MYBPC3: variants seen among roughly 807,000 people sequenced by gnomAD.
MYBPC3 encodes the protein myosin-binding protein C, cardiac-type.
A neutral mutation model predicts 159.3 loss-of-function variants in MYBPC3; 108 were observed. The ratio of observed to expected loss-of-function variants is 0.68; its 90% CI spans 0.58 to 0.80. The LOEUF is 0.80. MYBPC3 is among the 30% of genes least tolerant of loss of function. MYBPC3 has a pLI of 0.00. For missense variants in MYBPC3, 1,631 were observed against 1,762.1 expected (o/e 0.93, Z 1.33); for synonymous variants, 730 against 702.0 (o/e 1.04, Z -0.63).
At position 47,346,612 on chromosome 11, in the gene MYBPC3, A is replaced by G; in HGVS notation, c.926+15T>C. ...TTAGGGGTGATGAGGGTGCTGTGCT[A>G]TGTTGGGCACTCACCTCGGGGTCCG... On this transcript the variant is annotated intron_variant, in intron 11 of 34. Transcript: ENST00000545968. The surrounding 1 kb of genome is among the most constrained non-coding windows in gnomAD (Gnocchi z 5.3). The G allele has an allele frequency of 8.9e-7, 1 of 1,117,822 alleles. No individual in the cohort carries two copies. The highest frequency in any genetic ancestry group is 1.2e-6 in the Non-Finnish European group (1 of 810,770). The allele number at this position is 1,117,822 out of a possible 1,614,324, so 69.2% of individuals were successfully genotyped here.
At chr11:47,339,285 A>G in intron 22 of MYBPC3, 39 bp downstream of exon 22, 1 of 1,605,810 alleles carries the variant, frequency 6.2e-7, no homozygotes, top group Non-Finnish European at 8.5e-7. Flanking sequence ...AAAGTGATGA[A>G]AGACAAACGA....
chr11:47,333,830 A>T, intron 28 of MYBPC3, 78 bp from the exon 29 acceptor site: 1 of 1,546,430 alleles, frequency 6.5e-7, no homozygotes. Flanking sequence ...GGTACCTCAG[A>T]TCAGGCCAGC....
At chr11:47,336,800 G>C (rs1478569000) in intron 25 of MYBPC3, among the ~76,000 whole-genome samples, 1 of 152,192 alleles carries the variant, frequency 6.6e-6, no homozygotes, top group Non-Finnish European at 1.5e-5. Context: ...TGCCCACTCA[G>C]ACCCCATTAT....
Position 47,338,825 on chromosome 11 carries a change from C to T in MYBPC3, c.2149-146G>A. 2.7e-6 allele frequency: 3 copies of T among 1,109,772 alleles called. No homozygotes were observed. The highest frequency in any genetic ancestry group is 3.7e-6 in the Non-Finnish European group (3 of 802,324). 68.7% of individuals were successfully genotyped at this position (1,109,772 alleles called of 1,614,324 possible). A position where few individuals can be genotyped will look rare whatever the true frequency, so the allele number is the denominator to read the frequency against. On this transcript the variant is annotated intron_variant, in intron 22 of 34. Transcript: ENST00000545968. The surrounding 1 kb of genome is among the most constrained non-coding windows in gnomAD (Gnocchi z 4.7). ...TCCACGTCAGCATCTAGTTCAAAATCATCTCTGTGGCACCGACTGAGGGCA... is the reference window on the plus strand; with the variant it reads ...TCCACGTCAGCATCTAGTTCAAAATTATCTCTGTGGCACCGACTGAGGGCA...
At chr11:47,343,802 T>C (rs996947938) in intron 12 of MYBPC3, among the ~76,000 whole-genome samples, 178 bp from the exon 13 acceptor site, 1 of 152,138 alleles carries the variant, frequency 6.6e-6, no homozygotes, top group Non-Finnish European at 1.5e-5. Context: ...TGTTTGTTTG[T>C]TTTTTGGACA....
intron 27 of MYBPC3, 62 bp downstream of exon 27, chr11:47,334,980 C>A: frequency 4.9e-6 from 7 of 1,422,076 alleles, no homozygotes; most frequent in Non-Finnish European, 5.6e-6. Flanking sequence ...CCCACCTCCA[C>A]TGGACACCAA....
rs765629179 is a variant in MYBPC3 at position 47,338,551 on chromosome 11, C to T, written c.2277G>A (p.Glu759=). 5.6e-6 allele frequency: 9 copies of T among 1,614,020 alleles called. No homozygotes were observed. In the South Asian group the frequency reaches 8.8e-5, roughly 16 times the overall value. The part of the protein sequence containing the change: ...YTVTVKNPVG[E]DQVNLTVKVI... ...CCTTGACTGTGAGGTTGACCTGGTCCTCGCCCACAGGGTTCTTCACTGTGA... is the reference window on the plus strand; with the variant it reads ...CCTTGACTGTGAGGTTGACCTGGTCTTCGCCCACAGGGTTCTTCACTGTGA... Residue 759 remains glutamate, a synonymous_variant, in exon 23 of 35, where the codon GAG becomes GAA. Transcript: ENST00000545968. The surrounding 1 kb of genome is among the most constrained non-coding windows in gnomAD (Gnocchi z 4.7).
Position 47,333,230 on chromosome 11 carries a change from C to G in MYBPC3, c.3294G>C (p.Trp1098Cys), listed in dbSNP as rs767039057. 6.3e-7 allele frequency: 1 copy of G among 1,595,814 alleles called. No homozygotes were observed. The highest frequency in any genetic ancestry group is 1.7e-4 in the Middle Eastern group (1 of 6,034). ...PPQDVGNTEL[W>C]GYTVQKADKK... The stretch of plus-strand genomic sequence containing the variant: ...TGTCGGCTTTCTGCACTGTGTACCC[C>G]CAGAGCTCCGTGTTGCCGACATCCT... The change falls in exon 30 of 35, where the codon TGG (tryptophan) becomes TGC (cysteine). Residue 1098 changes from tryptophan to cysteine, a missense_variant. By Grantham distance (215) the Trp-to-Cys change is radical (BLOSUM62 -2). Transcript: ENST00000545968.
In MYBPC3 at chr11:47,347,594, C is replaced by G. The variant is rs559304406; in HGVS notation, c.851+57G>C. The G allele has an allele frequency of 6.4e-6, 10 of 1,560,538 alleles. No homozygotes were observed. The African/African-American group carries it at 9.5e-5, about 15-fold the overall frequency. On this transcript the variant is annotated intron_variant, in intron 8 of 34. Transcript: ENST00000545968. ...ACACTAGCCAGATTGGGCTCCCACC[C>G]GTCTCAGACCCCTGGGGGTCTGCGG...
rs767605155 is a variant in MYBPC3 at position 47,333,675 on chromosome 11, G to A, written c.3072C>T (p.Ser1024=). 3 of 1,611,344 alleles carry A rather than the reference G, an allele frequency of 1.9e-6. No individual in the cohort carries two copies. Among genetic ancestry groups the A allele is most frequent in the Admixed American group, 1.7e-5 (1 of 60,010 alleles). ...LAGEEVSIRN[S]PTDTILFIRA... is the part of the protein sequence containing the mutation. ...GGATGAACAGGATGGTGTCTGTGGG[G>A]CTGTTGCGGATGCTCACCTCCTCGC... Residue 1024 remains serine, a synonymous_variant, in exon 29 of 35, where the codon AGC becomes AGT. Transcript: ENST00000545968.
At position 47,342,748 on chromosome 11, in the gene MYBPC3, G is replaced by A. The variant is rs779521086; in HGVS notation, c.1458-4C>T. 2 of 1,613,864 alleles carry A rather than the reference G, an allele frequency of 1.2e-6. No individual in the cohort carries two copies. The highest frequency in any genetic ancestry group is 2.2e-5 in the South Asian group (2 of 91,078). On this transcript the variant is annotated splice_polypyrimidine_tract_variant and splice_region_variant and intron_variant, in intron 16 of 34. Transcript: ENST00000545968. ...CAGCTCCACCCCGTCCTTCAGCCTA[G>A]CCGGGTGGGTGGGTGGCAAGTGCTG...
Position 47,332,924 on chromosome 11 carries a change from G to A in MYBPC3, c.3380C>T (p.Pro1127Leu). ...EHYRRTHCVV[P>L]ELIIGNGYYF... ...GTAGCCATTGCCAATGATGAGCTCTGGCACCACGCAGTGGGTGCGGCGGTA... is the reference window on the plus strand; with the variant it reads ...GTAGCCATTGCCAATGATGAGCTCTAGCACCACGCAGTGGGTGCGGCGGTA... The change falls in exon 31 of 35, where the codon CCA becomes CTA. Residue 1127 changes from proline (P) to leucine (L), a missense_variant. Transcript: ENST00000545968. The surrounding 1 kb of genome is among the most constrained non-coding windows in gnomAD (Gnocchi z 4.2). 1 of 1,610,470 alleles carries A rather than the reference G, an allele frequency of 6.2e-7. No individual in the cohort carries two copies. Among genetic ancestry groups the A allele is most frequent in the African/African-American group, 1.3e-5 (1 of 74,962 alleles).
Position 47,342,565 on chromosome 11 carries a change from C to CA in MYBPC3, c.1624+12dup. 1 of 1,566,928 alleles carries CA rather than the reference C, an allele frequency of 6.4e-7. No individual in the cohort carries two copies. Among genetic ancestry groups the CA allele is most frequent in the Non-Finnish European group, 8.7e-7 (1 of 1,155,722 alleles). The stretch of plus-strand genomic sequence containing the variant: ...AGCCCTAAAGCCTCATGTGCCCCCC[C>CA]AGCCAGGCTCACCCTGCACAATGAG... On this transcript the variant is annotated intron_variant, in intron 17 of 34. Coordinates refer to ENST00000545968, the MANE Select transcript of MYBPC3 (RefSeq NM_000256.3).
chr11:47,331,751 G>T, intron 34 of MYBPC3, 35 bp from the exon 35 acceptor site: 1 of 1,264,416 alleles, frequency 7.9e-7, no homozygotes. Context: ...TGAATGGAGG[G>T]CCCCTACAGC....
chr11:47,352,359 A>G (rs1369174231), intron 1 of MYBPC3, among the ~76,000 whole-genome samples: 3 of 152,008 alleles, frequency 2.0e-5, no homozygotes, highest in African/African-American at 7.2e-5. Flanking sequence ...CATTCTCAGA[A>G]TGGGTTGACC....
rs1236178301 is a variant in MYBPC3 at position 47,346,261 on chromosome 11, G to A, written c.1036C>T (p.Arg346Cys). ...CCCTTGAGCCTCTTTAGCATGCCGCGCAGGTCAGTGACGCCGTACTGGAAG... is the reference window on the plus strand; with the variant it reads ...CCCTTGAGCCTCTTTAGCATGCCGCACAGGTCAGTGACGCCGTACTGGAAG... ...IAFQYGVTDL[R>C]GMLKRLKGMR... The change falls in exon 12 of 35, where the codon CGC becomes TGC. Residue 346 changes from arginine to cysteine, a missense_variant. Arg to Cys is a radical substitution (Grantham distance 180, BLOSUM62 -3). Transcript: ENST00000545968. This position sits in a 1 kb window ranked among gnomAD's most constrained non-coding sequence, Gnocchi z 5.3. The A allele has an allele frequency of 1.2e-6, 2 of 1,613,876 alleles. No individual in the cohort carries two copies. Among genetic ancestry groups the A allele is most frequent in the Non-Finnish European group, 8.5e-7 (1 of 1,179,830 alleles).
intron 25 of MYBPC3, among the ~76,000 whole-genome samples, chr11:47,336,603 C>T (rs2095882599): frequency 6.6e-6 from 1 of 152,110 alleles, no homozygotes; most frequent in African/African-American, 2.4e-5. Context: ...GGAATCAGTC[C>T]CTAAAACGAG....
Position 47,346,075 on chromosome 11 carries a change from T to C in MYBPC3, c.1090+132A>G, listed in dbSNP as rs2095893716. On this transcript the variant is annotated intron_variant, in intron 12 of 34. Coordinates refer to ENST00000545968, the MANE Select transcript of MYBPC3 (RefSeq NM_000256.3). The surrounding 1 kb of genome is among the most constrained non-coding windows in gnomAD (Gnocchi z 5.3). ...CCGGACTCCGCTCTTTCCATGTATG[T>C]GGACGAGGTGGGGGGCTAACCTGTG... 1.6e-6 allele frequency: 2 copies of C among 1,266,516 alleles called. No individual in the cohort carries two copies. Among genetic ancestry groups the C allele is most frequent in the Admixed American group, 2.5e-5 (1 of 39,770 alleles). The allele number at this position is 1,266,516 out of a possible 1,614,324, so 78.5% of individuals were successfully genotyped here. A position where few individuals can be genotyped will look rare whatever the true frequency, so the allele number is the denominator to read the frequency against.
At chr11:47,335,797 T>C in intron 26 of MYBPC3, 80 bp downstream of exon 26, 1 of 1,282,362 alleles carries the variant, frequency 7.8e-7, no homozygotes, top group Non-Finnish European at 1.0e-6. Flanking sequence ...CTAAAAAACT[T>C]GACTACAGGT....
Sources: allele counts gnomAD v4.1 joint callset (sites outside exome capture counted in the v4.1 genomes callset), GRCh38; gene constraint gnomAD v4.1.1; non-coding constraint Gnocchi (gnomAD v3.1); transcripts MANE v1.5; gene names NCBI Gene and HGNC (gene_info 2026-07-23, HGNC 2026-07-21).